COL23A1: variants seen among roughly 807,000 people sequenced by gnomAD.
COL23A1 encodes collagen alpha-1(XXIII) chain.
COL23A1 carries 97 observed loss-of-function variants against 99.3 expected under a neutral mutation model. That is an observed-to-expected ratio of 0.98 (90% CI 0.83 to 1.16). COL23A1 has a LOEUF of 1.16. Among genes scored for constraint, COL23A1 ranks in the 50% most tolerant of loss-of-function variants. COL23A1 has a pLI of 0.00. For synonymous variants in COL23A1, 320 were observed against 308.2 expected (o/e 1.04, Z -0.40); for missense variants, 762 against 757.4 (o/e 1.01, Z -0.07).
At chr5:178,268,041 GC>G (rs1407548009) in intron 7 of COL23A1, among the ~76,000 whole-genome samples, 1 of 152,196 alleles carries the variant, frequency 6.6e-6, no homozygotes, top group Non-Finnish European at 1.5e-5. Flanking sequence ...GGCTCCCGCA[GC>G]CCTGGTGGTT....
chr5:178,539,226 T>C (rs891963173), intron 2 of COL23A1, among the ~76,000 whole-genome samples: 2 of 152,168 alleles, frequency 1.3e-5, no homozygotes, highest in African/African-American at 4.8e-5. Context: ...GTACGGTGTC[T>C]GACTTCAATC....
chr5:178,432,516 A>C (rs920632223), intron 2 of COL23A1, among the ~76,000 whole-genome samples: 4 of 152,152 alleles, frequency 2.6e-5, no homozygotes, highest in African/African-American at 9.7e-5. Flanking sequence ...GGAAGTCAGA[A>C]GACCCAGGAG....
At chr5:178,242,939 G>A (rs1764486646) in intron 25 of COL23A1, among the ~76,000 whole-genome samples, 2 of 152,174 alleles carry the variant, frequency 1.3e-5, no homozygotes, top group Admixed American at 1.3e-4. Context: ...GCTCATGCCT[G>A]TAATCCCAGC....
intron 2 of COL23A1, among the ~76,000 whole-genome samples, chr5:178,332,605 T>C (rs890645866): frequency 3.9e-5 from 6 of 152,222 alleles, no homozygotes; most frequent in African/African-American, 1.2e-4. Context: ...CCTACAGGGA[T>C]ACACAGGTTA....
intron 8 of COL23A1, among the ~76,000 whole-genome samples, chr5:178,264,713 G>A (rs1728715549): frequency 6.6e-6 from 1 of 152,200 alleles, no homozygotes; most frequent in South Asian, 2.1e-4. Flanking sequence ...CTGGAGTGCA[G>A]TGGCGCAATC....
In COL23A1 at chr5:178,307,006, C is replaced by T. The variant is rs901153335; in HGVS notation, c.362-87G>A. 86 of 999,404 alleles carry T rather than the reference C, an allele frequency of 8.6e-5. No homozygotes were observed. The highest frequency in any genetic ancestry group is 1.5e-4 in the Admixed American group (4 of 26,606). 61.9% of individuals were successfully genotyped at this position (999,404 alleles called of 1,614,324 possible). A position where few individuals can be genotyped will look rare whatever the true frequency, so the allele number is the denominator to read the frequency against. ...GGCATGCCCCAGCCACCCACCTGTC[C>T]GCTCGCAACAGCTTTCTGGGAGTGG... On this transcript the variant is annotated intron_variant, in intron 2 of 28. Coordinates refer to ENST00000390654, the MANE Select transcript of COL23A1 (RefSeq NM_173465.4). This position sits in a 1 kb window ranked among gnomAD's most constrained non-coding sequence, Gnocchi z 4.2.
intron 2 of COL23A1, among the ~76,000 whole-genome samples, chr5:178,422,667 C>A (rs1466398748): frequency 6.6e-6 from 1 of 152,132 alleles, no homozygotes. Flanking sequence ...CATCAGCCTC[C>A]CCATGTTTCT....
At chr5:178,531,378 C>T (rs531084896) in intron 2 of COL23A1, among the ~76,000 whole-genome samples, 11 of 152,294 alleles carry the variant, frequency 7.2e-5, no homozygotes, top group East Asian at 3.9e-4. Context: ...TAGTGCTCTC[C>T]GCATGACCTG....
chr5:178,332,446 C>G (rs1581168801), intron 2 of COL23A1, among the ~76,000 whole-genome samples: 1 of 152,314 alleles, frequency 6.6e-6, no homozygotes, highest in East Asian at 1.9e-4. Flanking sequence ...CCTGGAGGCA[C>G]TGTTCTTTGA....
intron 2 of COL23A1, among the ~76,000 whole-genome samples, chr5:178,347,808 G>A (rs1297440896): frequency 4.0e-5 from 6 of 149,578 alleles, no homozygotes; most frequent in African/African-American, 1.5e-4. Flanking sequence ...TTGAACCCGG[G>A]AGGCGGAGCT....
intron 2 of COL23A1, among the ~76,000 whole-genome samples, chr5:178,312,261 G>C (rs1184851468): frequency 6.6e-6 from 1 of 152,160 alleles, no homozygotes; most frequent in Admixed American, 6.5e-5. Context: ...AGCTCTTTGG[G>C]AATGAGGTTT....
In COL23A1 at chr5:178,439,355, CTG is replaced by C. The variant is rs1418323951; in HGVS notation, c.361+121325_361+121326del. On this transcript the variant is annotated intron_variant, in intron 2 of 28. Coordinates refer to ENST00000390654, the MANE Select transcript of COL23A1 (RefSeq NM_173465.4). This position sits in a 1 kb window ranked among gnomAD's most constrained non-coding sequence, Gnocchi z 4.2. ...GAGGCTGAGCCAGTTACCAAAGTCTCTGTGGCTCCTGCTCCTTCCATGCCAGA... is the reference window on the plus strand; with the variant it reads ...GAGGCTGAGCCAGTTACCAAAGTCTCTGGCTCCTGCTCCTTCCATGCCAGA... 6.6e-6 allele frequency: 1 copy of C among 152,282 alleles called. No individual in the cohort carries two copies. The highest frequency in any genetic ancestry group is 2.4e-5 in the African/African-American group (1 of 41,456). 9.4% of individuals were successfully genotyped at this position (152,282 alleles called of 1,614,324 possible). A position where few individuals can be genotyped will look rare whatever the true frequency, so the allele number is the denominator to read the frequency against.
Position 178,281,606 on chromosome 5 carries a change from C to T in COL23A1, c.441+6718G>A, listed in dbSNP as rs766720196. On this transcript the variant is annotated intron_variant, in intron 5 of 28. Transcript: ENST00000390654. The surrounding 1 kb of genome is among the most constrained non-coding windows in gnomAD (Gnocchi z 4.0). ...CTGACCTGTGACGCCTGCCAGCCCT[C>T]GTTTCTGTTAGTCATTCAGGCTTCA... 1.3e-5 allele frequency among the ~76,000 whole-genome samples: 2 copies of T among 152,170 alleles called. No individual in the cohort carries two copies. Among genetic ancestry groups the T allele is most frequent in the African/African-American group, 2.4e-5 (1 of 41,452 alleles).
In COL23A1 at chr5:178,450,495, C is replaced by T. The variant is rs78543091; in HGVS notation, c.361+110187G>A. On this transcript the variant is annotated intron_variant, in intron 2 of 28. Coordinates refer to ENST00000390654, the MANE Select transcript of COL23A1 (RefSeq NM_173465.4). ...AGGAGAGGACATCGCACGCTGAGAA[C>T]GAGGGAGCTACAGAACAGTAGTAAG... Among the ~76,000 whole-genome samples the T allele has an allele frequency of 1.1e-3, 175 of 152,206 alleles. 4 individuals carry two copies. In the East Asian group the frequency reaches 0.03, roughly 26 times the overall value.
intron 1 of COL23A1, among the ~76,000 whole-genome samples, chr5:178,561,686 A>T (rs1762567067): frequency 6.6e-6 from 1 of 152,220 alleles, no homozygotes; most frequent in Non-Finnish European, 1.5e-5. Context: ...AGGGGAAAAA[A>T]AAATCCCCCT....
In COL23A1 at chr5:178,267,266, A is replaced by C. The variant is rs1057444259; in HGVS notation, c.522+41T>G. The C allele has an allele frequency of 1.9e-6, 3 of 1,611,584 alleles. No homozygotes were observed. The East Asian group carries it at 6.7e-5, about 36-fold the overall frequency. ...GTTATGCCTCATTATTACACAAAAC[A>C]AACCATGTGGGCAGTGAGGGAGGTC... On this transcript the variant is annotated intron_variant, in intron 8 of 28. Transcript: ENST00000390654.
intron 2 of COL23A1, among the ~76,000 whole-genome samples, chr5:178,422,940 G>T (rs968416561): frequency 6.6e-6 from 1 of 152,052 alleles, no homozygotes; most frequent in African/African-American, 2.4e-5. Context: ...TCAGTGGAAA[G>T]TACAGTTTGA....
At chr5:178,447,957 T>C (rs751496551) in intron 2 of COL23A1, among the ~76,000 whole-genome samples, 1 of 152,108 alleles carries the variant, frequency 6.6e-6, no homozygotes, top group Non-Finnish European at 1.5e-5. Flanking sequence ...AGAGATTTCA[T>C]GGCATGTCAG....
chr5:178,486,995 C>A (rs1581484741), intron 2 of COL23A1, among the ~76,000 whole-genome samples: 1 of 152,368 alleles, frequency 6.6e-6, no homozygotes, highest in Admixed American at 6.5e-5. Flanking sequence ...TGGACGCTCT[C>A]TATCCACTGG....
Sources: gnomAD v4.1 joint callset for allele counts (sites outside exome capture counted in the v4.1 genomes callset) on GRCh38, gnomAD v4.1.1 for gene constraint, Gnocchi (gnomAD v3.1) non-coding constraint, MANE v1.5 for transcripts, NCBI Gene and HGNC (gene_info 2026-07-23, HGNC 2026-07-21) for gene names.